RARB: variants seen among roughly 807,000 people sequenced by gnomAD.
The protein encoded by RARB is HBV-activated protein.
Under a neutral mutation model 51.9 loss-of-function variants are expected in RARB, and 17 were observed. The observed-to-expected ratio is 0.33, with a 90% CI of 0.22 to 0.49. The LOEUF (loss-of-function observed/expected upper bound fraction) is 0.49. Among genes scored for constraint, RARB ranks in the 20% least tolerant of loss-of-function variants. RARB has a pLI of 0.99. For missense variants in RARB, 369 were observed against 550.8 expected (o/e 0.67, Z 3.30); for synonymous variants, 215 against 195.4 (o/e 1.10, Z -0.84).
chr3:24,924,740 T>C (rs1450010326), intron 2 of RARB, among the ~76,000 whole-genome samples: 2 of 152,112 alleles, frequency 1.3e-5, no homozygotes, highest in African/African-American at 4.8e-5. Context: ...TATATAGCAT[T>C]GTACTTTCCA....
rs35710364 is a variant in RARB, at chr3:25,156,516, C to CAAAAAAAAA, written c.-279-17580_-279-17572dup. ...ATCACACAAATTCTAGCCCCAACTG[C>CAAAAAAAAA]AAAAAAAAAAAAAAAAAAAAAAAAA... On this transcript the variant is annotated intron_variant, in intron 4 of 11. Transcript: ENST00000383772. Among the ~76,000 whole-genome samples, 9 of 56,836 alleles carry CAAAAAAAAA rather than the reference C, an allele frequency of 1.6e-4. 1 individual carries two copies. Among genetic ancestry groups the CAAAAAAAAA allele is most frequent in the African/African-American group, 4.4e-4 (6 of 13,594 alleles). The allele number at this position is 56,836 out of a possible 152,430, so 37.3% of individuals were successfully genotyped here.
intron 3 of RARB, among the ~76,000 whole-genome samples, chr3:25,061,538 T>C (rs17515622): frequency 0.066 from 9,969 of 151,876 alleles, 423 homozygotes; most frequent in Non-Finnish European, 0.1. Flanking sequence ...CTGCTTGGTG[T>C]AGTTACACAT....
chr3:25,181,638 C>A (rs1299071271), intron 5 of RARB, among the ~76,000 whole-genome samples: 1 of 152,150 alleles, frequency 6.6e-6, no homozygotes, highest in Non-Finnish European at 1.5e-5. Context: ...TGTTAAGAAC[C>A]ACCCCTACCC....
chr3:24,885,661 T>C (rs1703253066), intron 2 of RARB, among the ~76,000 whole-genome samples: 1 of 152,148 alleles, frequency 6.6e-6, no homozygotes, highest in Admixed American at 6.6e-5. Flanking sequence ...GTGTCCAGTG[T>C]TAAGATTCCT....
At chr3:24,873,334 G>T (rs1426077175) in intron 2 of RARB, among the ~76,000 whole-genome samples, 1 of 152,012 alleles carries the variant, frequency 6.6e-6, no homozygotes, top group Admixed American at 6.6e-5. Context: ...CTTCGTTAAT[G>T]GTTATAGGCC....
chr3:24,977,274 G>C (rs1370555987), intron 2 of RARB, among the ~76,000 whole-genome samples: 4 of 152,156 alleles, frequency 2.6e-5, no homozygotes, highest in African/African-American at 9.7e-5. Context: ...GAAATTTAAA[G>C]TAGTTTTTTC....
intron 3 of RARB, among the ~76,000 whole-genome samples, chr3:25,099,141 G>C (rs1403399123): frequency 6.6e-6 from 1 of 152,144 alleles, no homozygotes; most frequent in East Asian, 1.9e-4. Context: ...GAGCATAAAA[G>C]GGAAGATGGT....
intron 5 of RARB, among the ~76,000 whole-genome samples, chr3:25,255,143 C>G (rs1442072060): frequency 6.6e-6 from 1 of 152,148 alleles, no homozygotes; most frequent in Non-Finnish European, 1.5e-5. Context: ...GCATGAGCAT[C>G]AGATGAATGT....
intron 2 of RARB, among the ~76,000 whole-genome samples, chr3:25,482,460 C>T (rs1181608261): frequency 7.1e-6 from 1 of 141,432 alleles, no homozygotes; most frequent in Non-Finnish European, 1.5e-5. Flanking sequence ...CACTGTTCAA[C>T]AGAAATATGC....
intron 3 of RARB, among the ~76,000 whole-genome samples, chr3:25,102,390 A>T (rs940974078): frequency 5.9e-5 from 9 of 151,832 alleles, no homozygotes; most frequent in African/African-American, 2.2e-4. Flanking sequence ...AAAATACAAA[A>T]ATTAGTCAGG....
At chr3:25,262,996 G>T (rs1314057536) in intron 5 of RARB, among the ~76,000 whole-genome samples, 1 of 152,124 alleles carries the variant, frequency 6.6e-6, no homozygotes, top group Admixed American at 6.6e-5. Context: ...AGAGTAAATA[G>T]TAGACTTTCT....
chr3:24,953,324 A>G (rs1229358954), intron 2 of RARB, among the ~76,000 whole-genome samples: 1 of 152,192 alleles, frequency 6.6e-6, no homozygotes, highest in Non-Finnish European at 1.5e-5. Flanking sequence ...AAAAGAAATG[A>G]AAATTAGGAA....
At chr3:25,065,418 T>C (rs756088325) in intron 3 of RARB, among the ~76,000 whole-genome samples, 3 of 152,194 alleles carry the variant, frequency 2.0e-5, no homozygotes, top group Non-Finnish European at 4.4e-5. Flanking sequence ...TTTAAACTTT[T>C]TTAGTAGAAT....
intron 2 of RARB, among the ~76,000 whole-genome samples, chr3:24,961,994 A>G (rs1056501324): frequency 2.4e-5 from 3 of 123,522 alleles, no homozygotes; most frequent in African/African-American, 9.7e-5. Context: ...CAATGGCGCT[A>G]TCATGGCTCA....
intron 2 of RARB, among the ~76,000 whole-genome samples, chr3:25,046,776 G>A (rs914473082): frequency 1.3e-5 from 2 of 151,936 alleles, no homozygotes; most frequent in African/African-American, 4.8e-5. Flanking sequence ...ATTTATATTA[G>A]TTAGTAGATT....
At chr3:25,107,183 T>C (rs959309668) in intron 3 of RARB, among the ~76,000 whole-genome samples, 2 of 152,128 alleles carry the variant, frequency 1.3e-5, no homozygotes, top group Non-Finnish European at 2.9e-5. Context: ...TTACAGGCAT[T>C]AGCCACTGCA....
chr3:24,879,591 A>C (rs1703116988), intron 2 of RARB, among the ~76,000 whole-genome samples: 1 of 151,222 alleles, frequency 6.6e-6, no homozygotes. Context: ...TGGGAGGCCA[A>C]GTGGGAGTTT....
At chr3:25,150,494 T>G (rs1403219043) in intron 4 of RARB, among the ~76,000 whole-genome samples, 1 of 152,174 alleles carries the variant, frequency 6.6e-6, no homozygotes, top group Non-Finnish European at 1.5e-5. Flanking sequence ...TGTATAGACT[T>G]CTAAACATTC....
chr3:24,866,986 A>G (rs1030235649), intron 2 of RARB, among the ~76,000 whole-genome samples: 2 of 152,098 alleles, frequency 1.3e-5, no homozygotes, highest in African/African-American at 4.8e-5. Flanking sequence ...GTGGGGTTAC[A>G]GGAGGGTCTG....
Sources: allele counts gnomAD v4.1 joint callset (sites outside exome capture counted in the v4.1 genomes callset), GRCh38; gene constraint gnomAD v4.1.1; transcripts MANE v1.5; gene names NCBI Gene and HGNC (gene_info 2026-07-23, HGNC 2026-07-21).